METTL15: variants seen among roughly 807,000 people sequenced by gnomAD.
The protein encoded by METTL15 is 12S rRNA N(4)-cytidine methyltransferase METTL15.
Under a neutral mutation model 38.3 loss-of-function variants are expected in METTL15, and 34 were observed. That is an observed-to-expected ratio of 0.89 (90% CI 0.68 to 1.18). The LOEUF (loss-of-function observed/expected upper bound fraction) is 1.18, where lower values mean the gene tolerates loss of function less well. METTL15 is among the 50% of genes most tolerant of loss of function. The pLI is 0.00. For synonymous variants in METTL15, 162 were observed against 170.9 expected, an observed-to-expected ratio of 0.95 and a Z score of 0.41; for missense variants, 438 against 498.4, an observed-to-expected ratio of 0.88 and a Z score of 1.15.
intron 5 of METTL15, chr11:28,424,188 TA>T (rs2133423537): frequency 6.6e-6 from 1 of 152,298 alleles, no homozygotes; most frequent in African/African-American, 2.4e-5. Flanking sequence ...TTTCTTAAAC[TA>T]GTCTTGCTAA....
chr11:28,158,521 G>C (rs1251366343), intron 3 of METTL15, among the ~76,000 whole-genome samples: 3 of 152,144 alleles, frequency 2.0e-5, no homozygotes, highest in Non-Finnish European at 4.4e-5. Context: ...CCAGCTACCT[G>C]GTGGCAGGTT....
rs1156786704 is a variant in METTL15, at chr11:28,392,053, G to A, written c.*358+30017G>A. On this transcript the variant is annotated intron_variant and NMD_transcript_variant, in intron 5 of 7. Coordinates refer to the METTL15 transcript ENST00000532947. ...ACCTACAGAATGAGAGAAAATTTTT[G>A]CAATCTACTCTTCAGACAAAGGGCT... Among the ~76,000 whole-genome samples, 7 of 152,024 alleles carry A rather than the reference G, an allele frequency of 4.6e-5. No homozygotes were observed. In the East Asian group the frequency reaches 1.2e-3, roughly 25 times the overall value.
At chr11:28,167,474 C>G (rs1187021180) in intron 3 of METTL15, among the ~76,000 whole-genome samples, 3 of 152,148 alleles carry the variant, frequency 2.0e-5, no homozygotes, top group Non-Finnish European at 4.4e-5. Flanking sequence ...ATTCTCAACA[C>G]TGTTACCACC....
At chr11:28,422,359 A>G (rs1850827706) in intron 5 of METTL15, among the ~76,000 whole-genome samples, 1 of 152,110 alleles carries the variant, frequency 6.6e-6, no homozygotes, top group African/African-American at 2.4e-5. Context: ...ATGTGGAACT[A>G]CAAAAGACCC....
At chr11:28,256,201 C>T (rs1854964943) in intron 4 of METTL15, among the ~76,000 whole-genome samples, 1 of 152,174 alleles carries the variant, frequency 6.6e-6, no homozygotes, top group African/African-American at 2.4e-5. Context: ...CAGGGTAATA[C>T]TAGCCTCACA....
chr11:28,113,565 G>A lies in METTL15; in HGVS notation c.231G>A (p.Val77=). The A allele has an allele frequency of 1.2e-6, 2 of 1,612,274 alleles. No individual in the cohort carries two copies. The highest frequency in any genetic ancestry group is 2.2e-5 in the South Asian group (2 of 90,554). The change falls in exon 3 of 7, where the codon GTG becomes GTA. Residue 77 remains valine (V), a synonymous_variant. Coordinates refer to ENST00000407364, the MANE Select transcript of METTL15 (RefSeq NM_001113528.2). ...CTAAATTACATATTCCAGTAATGGT[G>A]GATGAAGTTGTTCATTGTTTGTCAC... The part of the protein sequence containing the change: ...TMAKLHIPVM[V]DEVVHCLSPQ...
chr11:28,293,587 G>T (rs1856611569), intron 5 of METTL15, among the ~76,000 whole-genome samples: 2 of 152,094 alleles, frequency 1.3e-5, no homozygotes, highest in South Asian at 4.1e-4. Context: ...TTCCAATTCT[G>T]TGAAGAAAGT....
chr11:28,491,551 C>T (rs1851494661), intron 6 of METTL15, among the ~76,000 whole-genome samples: 1 of 152,058 alleles, frequency 6.6e-6, no homozygotes, highest in African/African-American at 2.4e-5. Flanking sequence ...GATTCAGCAC[C>T]AGCAGTTGCA....
In METTL15 at chr11:28,332,534, A is replaced by T. The variant is rs1033027458; in HGVS notation, c.*1693A>T. ...TTGAATGGTGTCCTCTCCAAAATTCATGTACTTCCTGGAGCCTCAGTATGT... is the reference window on the plus strand; with the variant it reads ...TTGAATGGTGTCCTCTCCAAAATTCTTGTACTTCCTGGAGCCTCAGTATGT... On this transcript the variant is annotated 3_prime_UTR_variant, in exon 7 of 7. Transcript: ENST00000407364. 1 of 150,578 alleles carries T rather than the reference A, an allele frequency of 6.6e-6. No individual in the cohort carries two copies. Among genetic ancestry groups the T allele is most frequent in the Non-Finnish European group, 1.5e-5 (1 of 67,916 alleles). 9.3% of individuals were successfully genotyped at this position (150,578 alleles called of 1,614,324 possible).
At chr11:28,204,248 T>C (rs1320549065) in intron 3 of METTL15, among the ~76,000 whole-genome samples, 1 of 151,992 alleles carries the variant, frequency 6.6e-6, no homozygotes, top group Non-Finnish European at 1.5e-5. Flanking sequence ...TTCATTTTGA[T>C]TCTGAACCCC....
chr11:28,433,163 G>GTTT (rs1209820099), intron 6 of METTL15, among the ~76,000 whole-genome samples: 8 of 93,770 alleles, frequency 8.5e-5, no homozygotes, highest in African/African-American at 1.7e-4. Flanking sequence ...GTTTTGTTTT[G>GTTT]TTTTTTTTGT....
At chr11:28,337,738 A>G (rs1485533372), downstream of METTL15, among the ~76,000 whole-genome samples, 1 of 152,154 alleles carries the variant, frequency 6.6e-6, no homozygotes, top group African/African-American at 2.4e-5. Context: ...ATACACAAAT[A>G]CCATTGTATT....
intron 6 of METTL15, among the ~76,000 whole-genome samples, chr11:28,459,043 T>C (rs1851193589): frequency 6.6e-6 from 1 of 152,210 alleles, no homozygotes; most frequent in African/African-American, 2.4e-5. Flanking sequence ...ATTTTCTGTC[T>C]TGGTCTCTAC....
intron 5 of METTL15, among the ~76,000 whole-genome samples, chr11:28,292,781 G>A (rs10450592): frequency 0.29 from 43,558 of 151,942 alleles, 7,033 homozygotes; most frequent in African/African-American, 0.43. Flanking sequence ...TCTCATTGTG[G>A]TTTTGATTTG....
intron 4 of METTL15, among the ~76,000 whole-genome samples, chr11:28,213,106 C>A (rs920464425): frequency 6.6e-6 from 1 of 152,102 alleles, no homozygotes; most frequent in Non-Finnish European, 1.5e-5. Context: ...CAATCTCTAG[C>A]CTCATTTTAT....
chr11:28,169,854 G>A (rs1391902268), intron 3 of METTL15, among the ~76,000 whole-genome samples: 5 of 151,922 alleles, frequency 3.3e-5, no homozygotes, highest in African/African-American at 9.7e-5. Context: ...TTGCAGCAGA[G>A]TGTTGTTATT....
At chr11:28,314,419 A>G (rs1301119812) in intron 6 of METTL15, among the ~76,000 whole-genome samples, 2 of 152,142 alleles carry the variant, frequency 1.3e-5, no homozygotes, top group East Asian at 3.9e-4. Flanking sequence ...CCATCTTCCA[A>G]CTCTGGGAAG....
rs1590844501 is a variant in METTL15, at chr11:28,163,584, A to C, written c.271-47478A>C. On this transcript the variant is annotated intron_variant, in intron 3 of 6. Transcript: ENST00000407364. ...GTGTGTGTGTTTGTCTGGAGAATACACAATCAAATGTATTTCCTCACCTTC... is the reference window on the plus strand; with the variant it reads ...GTGTGTGTGTTTGTCTGGAGAATACCCAATCAAATGTATTTCCTCACCTTC... 1.2e-4 allele frequency: 46 copies of C among 395,202 alleles called. No homozygotes were observed. In the East Asian group the frequency reaches 1.3e-3, roughly 11 times the overall value. 24.5% of individuals were successfully genotyped at this position (395,202 alleles called of 1,614,324 possible).
downstream of METTL15, among the ~76,000 whole-genome samples, chr11:28,528,872 C>T (rs528290230): frequency 1.3e-5 from 2 of 152,210 alleles, no homozygotes; most frequent in Admixed American, 1.3e-4. Context: ...TATTGTAATG[C>T]ATCTTTTAAT....
Sources: allele counts gnomAD v4.1 joint callset (sites outside exome capture counted in the v4.1 genomes callset), GRCh38; gene constraint gnomAD v4.1.1; transcripts MANE v1.5; gene names NCBI Gene and HGNC (gene_info 2026-07-23, HGNC 2026-07-21).